Variants in PCDH9 observed in about 807,000 individuals in gnomAD.
The protein encoded by PCDH9 is protocadherin 9.
A neutral mutation model predicts 70.6 loss-of-function variants in PCDH9; 24 were observed. That is an observed-to-expected ratio of 0.34 (90% CI 0.25 to 0.48). The LOEUF is 0.48. Ranked by LOEUF, PCDH9 falls within the 20% of genes least tolerant of loss-of-function variation. The pLI is 0.99. For synonymous variants in PCDH9, 562 were observed against 558.5 expected, an observed-to-expected ratio of 1.01 and a Z score of -0.09; for missense variants, 1,281 against 1,503.6, an observed-to-expected ratio of 0.85 and a Z score of 2.45.
chr13:67,210,695 T>A (rs751108628), intron 2 of PCDH9: 3 of 152,048 alleles, frequency 2.0e-5, no homozygotes, highest in Non-Finnish European at 4.4e-5. Context: ...ATGCTAAGTG[T>A]AATTCTAGCA....
chr13:66,733,361 T>C (rs1593971337), intron 3 of PCDH9, among the ~76,000 whole-genome samples: 1 of 152,156 alleles, frequency 6.6e-6, no homozygotes, highest in African/African-American at 2.4e-5. Context: ...TAAAAAGTGC[T>C]ACTCAATCAC....
At chr13:67,022,708 G>A (rs1245531396) in intron 2 of PCDH9, among the ~76,000 whole-genome samples, 4 of 151,992 alleles carry the variant, frequency 2.6e-5, no homozygotes, top group African/African-American at 4.8e-5. Flanking sequence ...CTTTCTAGCC[G>A]TTCAACACCC....
intron 3 of PCDH9, among the ~76,000 whole-genome samples, chr13:66,727,684 A>T (rs2079023531): frequency 6.6e-6 from 1 of 152,166 alleles, no homozygotes; most frequent in African/African-American, 2.4e-5. Flanking sequence ...ACATATGATA[A>T]GTAAAACTAA....
intron 2 of PCDH9, among the ~76,000 whole-genome samples, chr13:67,020,584 T>C (rs1444822847): frequency 2.0e-5 from 3 of 152,108 alleles, no homozygotes; most frequent in Admixed American, 6.5e-5. Flanking sequence ...TATCCATCAA[T>C]AAAGCAGCTG....
At chr13:66,678,763 A>T (rs1378084167) in intron 3 of PCDH9, among the ~76,000 whole-genome samples, 1 of 151,926 alleles carries the variant, frequency 6.6e-6, no homozygotes, top group Non-Finnish European at 1.5e-5. Context: ...AAATAAAAAA[A>T]ATATTCAAAA....
chr13:66,890,707 C>T (rs2082082873), intron 3 of PCDH9, among the ~76,000 whole-genome samples: 1 of 152,034 alleles, frequency 6.6e-6, no homozygotes, highest in East Asian at 1.9e-4. Flanking sequence ...CTAATCACAT[C>T]GACCAATCTA....
At chr13:66,447,571 C>T (rs578018129) in intron 4 of PCDH9, among the ~76,000 whole-genome samples, 17 of 152,032 alleles carry the variant, frequency 1.1e-4, no homozygotes, top group Non-Finnish European at 1.5e-4. Flanking sequence ...TTAAATCTAT[C>T]TGTGGCAATT....
At chr13:67,162,700 T>G (rs73509471) in intron 2 of PCDH9, among the ~76,000 whole-genome samples, 3 of 152,162 alleles carry the variant, frequency 2.0e-5, no homozygotes, top group Non-Finnish European at 4.4e-5. Flanking sequence ...TCAGAGTCTT[T>G]AACATCTTTT....
intron 2 of PCDH9, among the ~76,000 whole-genome samples, chr13:66,978,082 G>A (rs907595946): frequency 1.3e-5 from 2 of 152,056 alleles, no homozygotes; most frequent in African/African-American, 2.4e-5. Flanking sequence ...ACATATAAAA[G>A]ATTAATTTAC....
At chr13:66,583,513 G>C (rs568727472) in intron 4 of PCDH9, among the ~76,000 whole-genome samples, 61 of 152,046 alleles carry the variant, frequency 4.0e-4, no homozygotes. Context: ...TCGGGAGGCT[G>C]AGGTAGGAGA....
chr13:66,503,135 C>CAATGT (rs1959185678), intron 4 of PCDH9, among the ~76,000 whole-genome samples: 1 of 152,170 alleles, frequency 6.6e-6, no homozygotes, highest in Non-Finnish European at 1.5e-5. Flanking sequence ...TTATTATCTA[C>CAATGT]AATGTGTAAT....
rs1998785 is a variant in PCDH9, at chr13:67,164,094, T to A, written c.3036+61311A>T. ...GACATCTTCTAGTTATTACTAAATG[T>A]GTGTGCACCTTCACATAATGCAATC... On this transcript the variant is annotated intron_variant, in intron 2 of 4. Transcript: ENST00000377865. Among the ~76,000 whole-genome samples, 109 of 152,276 alleles carry A rather than the reference T, an allele frequency of 7.2e-4. 2 individuals are homozygous for A. The highest frequency in any genetic ancestry group is 3.4e-3 in the Middle Eastern group (1 of 294).
chr13:66,763,415 C>T (rs753796777), intron 3 of PCDH9, among the ~76,000 whole-genome samples: 1 of 151,830 alleles, frequency 6.6e-6, no homozygotes, highest in African/African-American at 2.4e-5. Context: ...AGAATGAGGT[C>T]AGATTAAGAT....
At position 67,061,508 on chromosome 13, in the gene PCDH9, T is replaced by C. The variant is rs539691169; in HGVS notation, c.3037-157903A>G. Among the ~76,000 whole-genome samples the C allele has an allele frequency of 3.9e-5, 6 of 152,180 alleles. No individual in the cohort carries two copies. The South Asian group carries it at 1.2e-3, about 32-fold the overall frequency. ...GGTTTGAAAACTGGCAAGAAGCACA[T>C]TTGAAATGACATCATGACTTATGAA... On this transcript the variant is annotated intron_variant, in intron 2 of 4. Coordinates refer to ENST00000377865, the MANE Select transcript of PCDH9 (RefSeq NM_203487.3).
chr13:67,155,423 AAATGGAAAAGAGGTGT>A (rs1194355949), intron 2 of PCDH9, among the ~76,000 whole-genome samples: 17 of 152,278 alleles, frequency 1.1e-4, no homozygotes, highest in Non-Finnish European at 1.5e-5. Context: ...GAAGATTTCC[AAATGGAAAAGAGGTGT>A]AGAAAACAAA....
chr13:67,207,066 A>G (rs77357048), intron 2 of PCDH9: 1 of 152,212 alleles, frequency 6.6e-6, no homozygotes, highest in African/African-American at 2.4e-5. Context: ...TGTAAACTGT[A>G]AAGTATCTCC....
intron 2 of PCDH9, among the ~76,000 whole-genome samples, chr13:67,153,075 TG>T (rs2087702991): frequency 6.6e-6 from 1 of 151,968 alleles, no homozygotes; most frequent in Admixed American, 6.6e-5. Flanking sequence ...CCCTCTTTCC[TG>T]CTTGCCCTTG....
At chr13:66,516,470 A>C (rs1717525241) in intron 4 of PCDH9, among the ~76,000 whole-genome samples, 1 of 152,090 alleles carries the variant, frequency 6.6e-6, no homozygotes, top group Admixed American at 6.6e-5. Context: ...AAATCTAAAA[A>C]AAATTTATAT....
At chr13:66,794,327 A>T (rs1312925001) in intron 3 of PCDH9, among the ~76,000 whole-genome samples, 3 of 152,144 alleles carry the variant, frequency 2.0e-5, no homozygotes, top group Non-Finnish European at 4.4e-5. Flanking sequence ...CATGGATGGG[A>T]AAGATCCTAG....
Sources: gnomAD v4.1 joint callset for allele counts (sites outside exome capture counted in the v4.1 genomes callset) on GRCh38, gnomAD v4.1.1 for gene constraint, MANE v1.5 for transcripts, NCBI Gene and HGNC (gene_info 2026-07-23, HGNC 2026-07-21) for gene names.